DRC7: variants seen among roughly 807,000 people sequenced by gnomAD.
DRC7 encodes the protein coiled-coil domain containing 135.
In DRC7, 80 loss-of-function variants were observed where a neutral mutation model predicts 104.4. The observed-to-expected ratio is 0.77, with a 90% CI of 0.64 to 0.92. DRC7 has a LOEUF of 0.92. Among genes scored for constraint, DRC7 ranks in the 40% least tolerant of loss-of-function variants. The pLI is 0.00. For synonymous variants in DRC7, 405 were observed against 447.3 expected (o/e 0.91, Z 1.19); for missense variants, 1,034 against 1,141.1 (o/e 0.91, Z 1.35).
intron 8 of DRC7, among the ~76,000 whole-genome samples, chr16:57,708,443 A>C (rs1251111804): frequency 6.6e-6 from 1 of 152,036 alleles, no homozygotes; most frequent in African/African-American, 2.4e-5. Context: ...TGGTTTGTTC[A>C]TTTTCATTTT....
At chr16:57,711,449 G>A (rs2048790662) in intron 8 of DRC7, among the ~76,000 whole-genome samples, 1 of 152,184 alleles carries the variant, frequency 6.6e-6, no homozygotes, top group Non-Finnish European at 1.5e-5. Flanking sequence ...CTTTTTCCAG[G>A]AAAGAATTCA....
At chr16:57,711,791 G>A (rs1193127209) in intron 8 of DRC7, among the ~76,000 whole-genome samples, 1 of 152,200 alleles carries the variant, frequency 6.6e-6, no homozygotes, top group Non-Finnish European at 1.5e-5. Flanking sequence ...AACCAGGAGT[G>A]CTGATTGGTC....
intron 7 of DRC7, among the ~76,000 whole-genome samples, chr16:57,707,167 A>T (rs1324759547): frequency 1.3e-5 from 2 of 152,142 alleles, no homozygotes; most frequent in Non-Finnish European, 2.9e-5. Flanking sequence ...TGTGGATGAA[A>T]CCTCACCCAA....
chr16:57,723,185 C>A, intron 12 of DRC7, 55 bp downstream of exon 12: 2 of 1,581,470 alleles, frequency 1.3e-6, no homozygotes, highest in Non-Finnish European at 1.7e-6. Flanking sequence ...AGGCCTCACA[C>A]ACCCTGTGGC....
At chr16:57,696,757 C>A (rs896522999) in intron 2 of DRC7, among the ~76,000 whole-genome samples, 163 bp downstream of exon 2, 1 of 152,200 alleles carries the variant, frequency 6.6e-6, no homozygotes, top group Non-Finnish European at 1.5e-5. Flanking sequence ...CCCCACCCCC[C>A]ACTCCCTGTT....
chr16:57,728,177 C>G (rs1046375239), intron 16 of DRC7, among the ~76,000 whole-genome samples: 1 of 152,178 alleles, frequency 6.6e-6, no homozygotes, highest in African/African-American at 2.4e-5. Context: ...TAGTGAGATA[C>G]AAATTCATGT....
chr16:57,711,422 C>T (rs1201030947), intron 8 of DRC7, among the ~76,000 whole-genome samples: 1 of 152,158 alleles, frequency 6.6e-6, no homozygotes, highest in Non-Finnish European at 1.5e-5. Flanking sequence ...CAGGGCTTTG[C>T]CAGTGAGGAT....
chr16:57,724,239 G>A (rs1597810149), intron 12 of DRC7, among the ~76,000 whole-genome samples: 1 of 151,200 alleles, frequency 6.6e-6, no homozygotes, highest in East Asian at 1.9e-4. Context: ...GAACCCAGGT[G>A]GCGGAGACTG....
intron 9 of DRC7, among the ~76,000 whole-genome samples, chr16:57,720,717 C>T (rs1225004717): frequency 6.6e-6 from 1 of 152,206 alleles, no homozygotes; most frequent in Admixed American, 6.5e-5. Flanking sequence ...GCTGACTGCT[C>T]ACTCATTTTT....
At chr16:57,721,036 C>T (rs1276631061) in intron 9 of DRC7, among the ~76,000 whole-genome samples, 1 of 151,902 alleles carries the variant, frequency 6.6e-6, no homozygotes, top group African/African-American at 2.4e-5. Flanking sequence ...CACCCTCCTC[C>T]CCCGGCCGTC....
Position 57,697,900 on chromosome 16 carries a change from C to T in DRC7, c.-37-13C>T. On this transcript the variant is annotated splice_polypyrimidine_tract_variant and intron_variant, in intron 2 of 18. Coordinates refer to ENST00000360716, the MANE Select transcript of DRC7 (RefSeq NM_001289162.2). Reference sequence around the variant, plus strand: ...GACAGTCGGCCATGGAGTATACTTACCCTTCCCCACAGAGACATTCCATCT... The same window carrying T: ...GACAGTCGGCCATGGAGTATACTTATCCTTCCCCACAGAGACATTCCATCT... The T allele has an allele frequency of 5.7e-6, 9 of 1,588,650 alleles. No homozygotes were observed. Among genetic ancestry groups the T allele is most frequent in the Non-Finnish European group, 7.7e-6 (9 of 1,167,602 alleles).
chr16:57,717,079 A>C (rs981169093), intron 8 of DRC7, among the ~76,000 whole-genome samples: 29 of 151,588 alleles, frequency 1.9e-4, no homozygotes, highest in African/African-American at 7.0e-4. Context: ...AATCACTTGA[A>C]CCGGGGAGAT....
chr16:57,699,598 T>G (rs2048635676), intron 4 of DRC7, among the ~76,000 whole-genome samples: 1 of 152,304 alleles, frequency 6.6e-6, no homozygotes, highest in East Asian at 1.9e-4. Flanking sequence ...CTTATTTCTC[T>G]GTCCTTCCCT....
rs2048868100 is a variant in DRC7 at position 57,718,427 on chromosome 16, TGAA to T, written c.1164_1166del (p.Glu388del). The T allele has an allele frequency of 1.2e-6, 2 of 1,614,008 alleles. No homozygotes were observed. Among genetic ancestry groups the T allele is most frequent in the Middle Eastern group, 1.6e-4 (1 of 6,084 alleles). Reference sequence around the variant, plus strand: ...CTGATAAGTCTCAGCTGTCCTTGACTGAAGAAGACGACAGTGGGATAAACGATG... The same window carrying T: ...CTGATAAGTCTCAGCTGTCCTTGACTGAAGACGACAGTGGGATAAACGATG... On this transcript the variant is annotated inframe_deletion, in exon 9 of 19. Coordinates refer to ENST00000360716, the MANE Select transcript of DRC7 (RefSeq NM_001289162.2).
At chr16:57,698,437 A>C (rs563244954) in intron 3 of DRC7, among the ~76,000 whole-genome samples, 1 of 152,156 alleles carries the variant, frequency 6.6e-6, no homozygotes, top group South Asian at 2.1e-4. Flanking sequence ...CTGTAGTCCC[A>C]GCACTTTAGA....
At chr16:57,730,831 C>T in intron 17 of DRC7, 100 bp from the exon 18 acceptor site, 1 of 1,329,094 alleles carries the variant, frequency 7.5e-7, no homozygotes, top group Non-Finnish European at 1.0e-6. Context: ...CTGGGGCCAA[C>T]CGTCATGGTG....
At chr16:57,727,234 G>C (rs966615909) in intron 15 of DRC7, 65 bp from the exon 16 acceptor site, 1 of 1,349,024 alleles carries the variant, frequency 7.4e-7, no homozygotes, top group Non-Finnish European at 1.1e-6. Context: ...GCTTCCCAAA[G>C]TGCTGGGGTT....
At chr16:57,715,278 G>C (rs1458299095) in intron 8 of DRC7, among the ~76,000 whole-genome samples, 2 of 152,180 alleles carry the variant, frequency 1.3e-5, no homozygotes, top group Non-Finnish European at 2.9e-5. Flanking sequence ...TTGAACTCCT[G>C]ACCTCAAGTG....
intron 12 of DRC7, 131 bp downstream of exon 12, chr16:57,723,261 G>C: frequency 9.3e-7 from 1 of 1,079,884 alleles, no homozygotes; most frequent in Non-Finnish European, 1.3e-6. Context: ...GCAAGCAGTA[G>C]AAGCTGCCCT....
Sources: allele counts gnomAD v4.1 joint callset (sites outside exome capture counted in the v4.1 genomes callset), GRCh38; gene constraint gnomAD v4.1.1; transcripts MANE v1.5; gene names NCBI Gene and HGNC (gene_info 2026-07-23, HGNC 2026-07-21).